HDX: variants seen among roughly 807,000 people sequenced by gnomAD.
HDX encodes the protein highly divergent homeobox, also known as chromosome X open reading frame 43.
Under a neutral mutation model 45.2 loss-of-function variants are expected in HDX, and 19 were observed. The observed-to-expected ratio is 0.42, with a 90% CI of 0.29 to 0.62. HDX has a LOEUF of 0.62. Among genes scored for constraint, HDX ranks in the 20% least tolerant of loss-of-function variants. The probability of loss-of-function intolerance (pLI) is 0.20; values close to 1 mark genes in which losing one functional copy is unlikely to be tolerated. For missense variants in HDX, 532 were observed against 493.9 expected (o/e 1.08, Z -0.73); for synonymous variants, 188 against 172.8 (o/e 1.09, Z -0.69).
chrX:84,458,910 T>C (rs750112893), intron 4 of HDX, among the ~76,000 whole-genome samples: 1 of 111,832 alleles, frequency 8.9e-6, no homozygotes, highest in African/African-American at 3.2e-5. Context: ...AAGAAAGAAA[T>C]CTTATGTTGG....
chrX:84,395,586 C>A (rs2038542690), intron 5 of HDX, among the ~76,000 whole-genome samples: 2 of 111,277 alleles, frequency 1.8e-5, no homozygotes, highest in Non-Finnish European at 3.8e-5. Flanking sequence ...TTAAGGCTTC[C>A]TGAGCTTCCT....
intron 1 of HDX, among the ~76,000 whole-genome samples, chrX:84,497,979 T>C (rs1292184196): frequency 9.0e-6 from 1 of 111,302 alleles, no homozygotes; most frequent in African/African-American, 3.3e-5. Flanking sequence ...GCATGACTGT[T>C]TTTAGAAGCT....
intron 5 of HDX, among the ~76,000 whole-genome samples, chrX:84,404,395 C>T (rs2038770355): frequency 9.0e-6 from 1 of 111,536 alleles, no homozygotes; most frequent in African/African-American, 3.3e-5. Flanking sequence ...ATTCGACAAA[C>T]TTAGAAATAA....
At chrX:84,375,087 T>C (rs1282349605) in intron 5 of HDX, among the ~76,000 whole-genome samples, 1 of 101,817 alleles carries the variant, frequency 9.8e-6, no homozygotes, top group African/African-American at 3.7e-5. Context: ...GGGCAAAGGA[T>C]ATGAACAGAC....
intron 10 of HDX, among the ~76,000 whole-genome samples, chrX:84,323,297 G>A (rs2036638281): frequency 9.0e-6 from 1 of 111,036 alleles, no homozygotes; most frequent in African/African-American, 3.3e-5. Flanking sequence ...TGCAGTAATA[G>A]GACACGGAGC....
chrX:84,494,185 C>T (rs969928915), intron 1 of HDX, among the ~76,000 whole-genome samples: 2 of 111,722 alleles, frequency 1.8e-5, no homozygotes, highest in African/African-American at 6.5e-5. Context: ...ATATATGGCA[C>T]TAATGACCAG....
At chrX:84,326,477 C>A (rs1222185651) in intron 9 of HDX, among the ~76,000 whole-genome samples, 177 bp from the exon 10 acceptor site, 1 of 111,132 alleles carries the variant, frequency 9.0e-6, no homozygotes, top group African/African-American at 3.3e-5. Flanking sequence ...TCACAGGATG[C>A]CTTTTAAGCA....
intron 6 of HDX, among the ~76,000 whole-genome samples, chrX:84,354,918 TAC>T (rs1184413744): frequency 2.3e-3 from 120 of 53,028 alleles, no homozygotes; most frequent in South Asian, 0.015. Flanking sequence ...TATATATATA[TAC>T]ACACACACAC....
chrX:84,328,769 G>A (rs1387755641), intron 9 of HDX, among the ~76,000 whole-genome samples: 2 of 111,797 alleles, frequency 1.8e-5, no homozygotes, highest in Non-Finnish European at 3.8e-5. Flanking sequence ...TTGACAAAAC[G>A]TGTCAACCTC....
At chrX:84,465,417 A>G (rs959055207) in intron 4 of HDX, among the ~76,000 whole-genome samples, 1 of 112,507 alleles carries the variant, frequency 8.9e-6, no homozygotes, top group African/African-American at 3.2e-5. Flanking sequence ...CTTGGAACCA[A>G]TCCAAATGCC....
In HDX at chrX:84,469,053, G is replaced by T; in HGVS notation, c.670C>A (p.Pro224Thr). The T allele has an allele frequency of 8.3e-7, 1 of 1,211,568 alleles. No individual in the cohort carries two copies. Residue 224 changes from proline to threonine, a missense_variant, in exon 4 of 11, where the codon CCA becomes ACA. Around this residue, in one of 3 missense-constraint regions of HDX, gnomAD observed 376 missense variants for 343.7 expected, o/e 1.09. Coordinates refer to ENST00000373177, the MANE Select transcript of HDX (RefSeq NM_001177479.2). ...TTATATGACCTTTGAATCCCAACTG[G>T]TTCAATTTTACAAGGTCGGTGGCAC... ...SVCHRPCKIE[P>T]VGIQRSYKPE...
chrX:84,318,899 T>C lies in HDX; in HGVS notation c.*2990A>G, dbSNP rs2036548166. The stretch of plus-strand genomic sequence containing the variant: ...TTCCATGAAGAGGCCAATTTTCTTT[T>C]AAGGTTTTCTTTGCATGTGCTAATT... On this transcript the variant is annotated 3_prime_UTR_variant, in exon 11 of 11. Coordinates refer to ENST00000373177, the MANE Select transcript of HDX (RefSeq NM_001177479.2). The C allele has an allele frequency of 1.8e-5, 2 of 111,450 alleles. No individual in the cohort carries two copies. Among genetic ancestry groups the C allele is most frequent in the African/African-American group, 6.5e-5 (2 of 30,883 alleles). 9.2% of individuals were successfully genotyped at this position (111,450 alleles called of 1,213,427 possible).
intron 1 of HDX, among the ~76,000 whole-genome samples, chrX:84,490,426 G>A (rs1277168165): frequency 9.0e-6 from 1 of 111,056 alleles, no homozygotes; most frequent in Non-Finnish European, 1.9e-5. Context: ...TACACATTTT[G>A]CTTTTACAAA....
intron 5 of HDX, among the ~76,000 whole-genome samples, chrX:84,370,861 C>G (rs2037875478): frequency 8.9e-6 from 1 of 112,170 alleles, no homozygotes; most frequent in South Asian, 3.6e-4. Flanking sequence ...TTAACTAATC[C>G]TCTTTGGACA....
chrX:84,385,762 C>G (rs1423286756), intron 5 of HDX, among the ~76,000 whole-genome samples: 1 of 105,123 alleles, frequency 9.5e-6, no homozygotes, highest in Non-Finnish European at 1.9e-5. Context: ...TTTTTACAGT[C>G]TTTAAGGTTT....
intron 5 of HDX, among the ~76,000 whole-genome samples, chrX:84,418,448 AG>A (rs1262172879): frequency 8.9e-6 from 1 of 111,762 alleles, no homozygotes; most frequent in African/African-American, 3.3e-5. Flanking sequence ...GGTATGTATT[AG>A]GGGGGTACAA....
At chrX:84,440,402 C>G in intron 5 of HDX, 130 bp downstream of exon 5, 1 of 473,273 alleles carries the variant, frequency 2.1e-6, no homozygotes, top group Non-Finnish European at 3.7e-6. Flanking sequence ...GAAAAATGTC[C>G]TTTGAGACAA....
chrX:84,488,915 C>T (rs1165578970), intron 1 of HDX, among the ~76,000 whole-genome samples: 4 of 111,785 alleles, frequency 3.6e-5, no homozygotes, highest in Non-Finnish European at 7.5e-5. Flanking sequence ...TATAGTTTCT[C>T]TTTTACTCTC....
chrX:84,337,494 ATTTG>A (rs765048142), intron 7 of HDX, among the ~76,000 whole-genome samples: 37 of 111,140 alleles, frequency 3.3e-4, no homozygotes, highest in Non-Finnish European at 6.3e-4. Flanking sequence ...TACAATGAAC[ATTTG>A]TTTCTCATTC....
Sources: allele counts gnomAD v4.1 joint callset (sites outside exome capture counted in the v4.1 genomes callset), GRCh38; gene constraint gnomAD v4.1.1; regional missense constraint gnomAD v4.1.1; transcripts MANE v1.5; gene names NCBI Gene and HGNC (gene_info 2026-07-23, HGNC 2026-07-21).